DOK4: variants seen among roughly 807,000 people sequenced by gnomAD.
DOK4 encodes the protein docking protein 4, also known as downstream of tyrosine kinase 4.
DOK4 carries 26 observed loss-of-function variants against 40.1 expected under a neutral mutation model. That is an observed-to-expected ratio of 0.65 (90% CI 0.48 to 0.90). The LOEUF (loss-of-function observed/expected upper bound fraction) is 0.90, where lower values mean the gene tolerates loss of function less well. Among genes scored for constraint, DOK4 ranks in the 40% least tolerant of loss-of-function variants. DOK4 has a pLI of 0.00. For missense variants in DOK4, 392 were observed against 437.2 expected, an observed-to-expected ratio of 0.90 and a Z score of 0.92; for synonymous variants, 179 against 177.0, an observed-to-expected ratio of 1.01 and a Z score of -0.09.
In DOK4 at chr16:57,473,973, G is replaced by A. The variant is rs560352516; in HGVS notation, c.666C>T (p.Arg222=). The change falls in exon 7 of 9, where the codon CGC becomes CGT. Residue 222 remains arginine, a synonymous_variant. Coordinates refer to ENST00000340099, the Ensembl canonical transcript of DOK4. The stretch of plus-strand genomic sequence containing the variant: ...CGATGGCCAGGGTGGCACTGTGGAC[G>A]CGCTGGTAAATCTGCTCCCCCTCTT... 2.0e-5 allele frequency: 32 copies of A among 1,613,868 alleles called. No homozygotes were observed. The East Asian group carries it at 2.2e-4, about 11-fold the overall frequency.
At chr16:57,474,102 T>G (rs1476426454) in intron 6 of DOK4, 63 bp from the exon 7 acceptor site, 1 of 1,597,922 alleles carries the variant, frequency 6.3e-7, no homozygotes, top group Middle Eastern at 1.8e-4. Context: ...TGTGATTAGT[T>G]AGGCTCTCTT....
At chr16:57,474,767 A>G in intron 6 of DOK4, 26 bp downstream of exon 6, 1 of 1,609,658 alleles carries the variant, frequency 6.2e-7, no homozygotes, top group Non-Finnish European at 8.5e-7. Context: ...ATAGTAGGAC[A>G]GGGCTGGGAG....
intron 6 of DOK4, among the ~76,000 whole-genome samples, 196 bp from the exon 7 acceptor site, chr16:57,474,235 T>C (rs1301934128): frequency 2.0e-5 from 3 of 152,182 alleles, no homozygotes; most frequent in African/African-American, 7.2e-5. Flanking sequence ...TGAAATGCAT[T>C]ATAAGAATTA....
chr16:57,475,361 C>T, intron 4 of DOK4, 142 bp from the exon 5 acceptor site: 3 of 1,446,452 alleles, frequency 2.1e-6, no homozygotes, highest in Non-Finnish European at 2.8e-6. Context: ...ACCCTGAGGG[C>T]CTGCTCCCTG....
chr16:57,475,266 C>T (rs772347096), intron 4 of DOK4, 47 bp from the exon 5 acceptor site: 1 of 1,589,746 alleles, frequency 6.3e-7, no homozygotes, highest in Non-Finnish European at 8.6e-7. Context: ...CCCGGTAGCC[C>T]ACCCCGTCTG....
chr16:57,474,424 CCA>C (rs1233771644), intron 6 of DOK4, among the ~76,000 whole-genome samples: 3 of 150,118 alleles, frequency 2.0e-5, no homozygotes, highest in Non-Finnish European at 4.5e-5. Flanking sequence ...CAGACTGACT[CCA>C]GAGTTCAAGT....
exon 8 of DOK4, chr16:57,473,671 A>G (rs538156725): frequency 6.2e-7 from 1 of 1,614,240 alleles, no homozygotes; most frequent in Admixed American, 1.7e-5. Context: ...GCCAGTAGGC[A>G]CTGCGCGGCA....
chr16:57,481,881 T>C (rs971726482), intron 1 of DOK4: 10 of 151,962 alleles, frequency 6.6e-5, no homozygotes, highest in African/African-American at 1.9e-4. Flanking sequence ...TTTTTCTTTT[T>C]TGAGACGGAG....
chr16:57,473,020 T>G lies in DOK4; in HGVS notation c.*357A>C, dbSNP rs1285704930. On this transcript the variant is annotated 3_prime_UTR_variant, in exon 9 of 9. Coordinates refer to ENST00000340099, the Ensembl canonical transcript of DOK4. ...AGGATGGACACGACTGCACTCATAC[T>G]CAAAAACAGCCTTGACCGTGGCCTG... The G allele has an allele frequency of 1.3e-5, 3 of 232,368 alleles. No individual in the cohort carries two copies. The East Asian group carries it at 3.0e-4, about 23-fold the overall frequency. 14.4% of individuals were successfully genotyped at this position (232,368 alleles called of 1,614,324 possible). A position where few individuals can be genotyped will look rare whatever the true frequency, so the allele number is the denominator to read the frequency against.
chr16:57,478,929 C>T (rs1371782322), intron 2 of DOK4, among the ~76,000 whole-genome samples: 1 of 152,128 alleles, frequency 6.6e-6, no homozygotes, highest in African/African-American at 2.4e-5. Context: ...TTAAACTCGA[C>T]AACCAAAAAT....
rs1253015871 is a variant in DOK4, at chr16:57,473,717, TC to T, written c.757del (p.Glu253AsnfsTer57). The T allele has an allele frequency of 6.2e-7, 1 of 1,612,078 alleles. No homozygotes were observed. The highest frequency in any genetic ancestry group is 8.5e-7 in the Non-Finnish European group (1 of 1,178,500). ...GGGTGTGCAGGGATACGAGTAATGTTCCGTGCCCTTGTTCAGCAGCTGTGGG... is the reference window on the plus strand; with the variant it reads ...GGGTGTGCAGGGATACGAGTAATGTTCGTGCCCTTGTTCAGCAGCTGTGGG... On this transcript the variant is annotated frameshift_variant, in exon 8 of 9. Coordinates refer to ENST00000340099, the Ensembl canonical transcript of DOK4. LOFTEE classifies it high-confidence loss of function.
At chr16:57,476,544 G>A (rs545831536) in intron 2 of DOK4, among the ~76,000 whole-genome samples, 22 of 152,210 alleles carry the variant, frequency 1.4e-4, no homozygotes, top group Admixed American at 1.2e-3. Flanking sequence ...GTACATCCCC[G>A]TGCCCCTAGT....
rs200846717 is a variant in DOK4 at position 57,473,632 on chromosome 16, G to A, written c.843C>T (p.Ala281=). Residue 281 remains alanine, a synonymous_variant, in exon 8 of 9, where the codon GCC becomes GCT. Transcript: ENST00000340099. ...ACTCACCAGCATAGCTGGAGGCTTCGGCGATGTTCTGGGAACCAGTGATGT... is the reference window on the plus strand; with the variant it reads ...ACTCACCAGCATAGCTGGAGGCTTCAGCGATGTTCTGGGAACCAGTGATGT... 433 of 1,614,246 alleles carry A rather than the reference G, an allele frequency of 2.7e-4. 3 individuals are homozygous for A. The South Asian group carries it at 3.4e-3, about 13-fold the overall frequency.
At chr16:57,481,366 C>T (rs1432817979) in intron 1 of DOK4, 1 of 152,378 alleles carries the variant, frequency 6.6e-6, no homozygotes, top group African/African-American at 2.4e-5. Flanking sequence ...CCCTGGGGTC[C>T]AAGAACCTCC....
chr16:57,474,181 A>G (rs2031035892), intron 6 of DOK4, 142 bp from the exon 7 acceptor site: 1 of 1,076,150 alleles, frequency 9.3e-7, no homozygotes, highest in South Asian at 1.5e-5. Context: ...GGGTCCGACC[A>G]CACGGTGCAA....
At chr16:57,472,324 A>G (rs72788065) in exon 9 of DOK4, 2,329 of 152,794 alleles carry the variant, frequency 0.015, 22 homozygotes, top group Non-Finnish European at 0.023. Context: ...CACAACCAAA[A>G]GTTTGACGTG....
chr16:57,483,295 G>C (rs1375941513), intron 1 of DOK4, among the ~76,000 whole-genome samples: 1 of 152,130 alleles, frequency 6.6e-6, no homozygotes, highest in Admixed American at 6.5e-5. Context: ...CAAGCGAGGC[G>C]GCCCCCAAGC....
rs1007114286 is a variant in DOK4 at position 57,473,284 on chromosome 16, G to A, written c.*93C>T. 15 of 1,485,444 alleles carry A rather than the reference G, an allele frequency of 1.0e-5. 1 individual carries two copies. The South Asian group carries it at 1.8e-4, about 18-fold the overall frequency. The allele number at this position is 1,485,444 out of a possible 1,614,324, so 92.0% of individuals were successfully genotyped here. A position where few individuals can be genotyped will look rare whatever the true frequency, so the allele number is the denominator to read the frequency against. Reference sequence around the variant, plus strand: ...GCTTGCTCCCTTTCTCCAGGCTCTTGGCCGACAGCCCCCTGAGGCTGTCCA... The same window carrying A: ...GCTTGCTCCCTTTCTCCAGGCTCTTAGCCGACAGCCCCCTGAGGCTGTCCA... On this transcript the variant is annotated 3_prime_UTR_variant, in exon 9 of 9. Transcript: ENST00000340099.
At chr16:57,476,157 C>A in intron 2 of DOK4, 200 bp from the exon 3 acceptor site, 1 of 584,840 alleles carries the variant, frequency 1.7e-6, no homozygotes, top group Middle Eastern at 4.6e-4. Context: ...ATTGAAAAGT[C>A]ATTGACTTCT....
Sources: allele counts gnomAD v4.1 joint callset (sites outside exome capture counted in the v4.1 genomes callset), GRCh38; gene constraint gnomAD v4.1.1; transcripts MANE v1.5; gene names NCBI Gene and HGNC (gene_info 2026-07-23, HGNC 2026-07-21).